Variants in PTPRD observed in about 807,000 individuals in gnomAD.
PTPRD encodes the protein receptor-type tyrosine-protein phosphatase delta.
Under a neutral mutation model 214.5 loss-of-function variants are expected in PTPRD, and 34 were observed. The ratio of observed to expected loss-of-function variants is 0.16; its 90% CI spans 0.12 to 0.21. The LOEUF (loss-of-function observed/expected upper bound fraction) is 0.21, where lower values mean the gene tolerates loss of function less well. PTPRD is among the 10% of genes least tolerant of loss of function. PTPRD has a pLI of 1.00. For synonymous variants in PTPRD, 1,128 were observed against 845.7 expected, an observed-to-expected ratio of 1.33 and a Z score of -5.79; for missense variants, 2,545 against 2,398.7, an observed-to-expected ratio of 1.06 and a Z score of -1.27.
chr9:10,281,267 A>G (rs1004495307), intron 3 of PTPRD, among the ~76,000 whole-genome samples: 1 of 152,102 alleles, frequency 6.6e-6, no homozygotes, highest in African/African-American at 2.4e-5. Context: ...GTTAGTTTAG[A>G]TGTTAACTCT....
At chr9:8,992,070 C>A (rs1435105960) in intron 11 of PTPRD, among the ~76,000 whole-genome samples, 2 of 152,018 alleles carry the variant, frequency 1.3e-5, no homozygotes, top group Non-Finnish European at 2.9e-5. Flanking sequence ...CCACATTTAC[C>A]TTCCTTTAAT....
At chr9:9,398,399 T>C (rs1354509953) in intron 8 of PTPRD, among the ~76,000 whole-genome samples, 3 of 152,068 alleles carry the variant, frequency 2.0e-5, no homozygotes, top group Admixed American at 6.6e-5. Context: ...GCTATGCCTC[T>C]GAAATAGGAG....
At chr9:8,977,622 A>C (rs1370658341) in intron 11 of PTPRD, among the ~76,000 whole-genome samples, 1 of 151,674 alleles carries the variant, frequency 6.6e-6, no homozygotes, top group Non-Finnish European at 1.5e-5. Flanking sequence ...CTCTATTTTA[A>C]TAATTCATAA....
At chr9:8,971,711 T>C (rs2099239540) in intron 11 of PTPRD, among the ~76,000 whole-genome samples, 1 of 151,324 alleles carries the variant, frequency 6.6e-6, no homozygotes, top group Admixed American at 6.6e-5. Flanking sequence ...ATAATATTAA[T>C]AATAATTAAA....
chr9:10,134,380 T>C (rs2098926543), intron 3 of PTPRD, among the ~76,000 whole-genome samples: 1 of 151,844 alleles, frequency 6.6e-6, no homozygotes, highest in Non-Finnish European at 1.5e-5. Context: ...TAATAAGGGG[T>C]TCATCTATCC....
intron 7 of PTPRD, among the ~76,000 whole-genome samples, chr9:9,627,985 G>C (rs892768035): frequency 3.3e-5 from 5 of 152,050 alleles, no homozygotes; most frequent in African/African-American, 1.2e-4. Context: ...ATTCAAGAAA[G>C]TTGGATACTC....
intron 8 of PTPRD, among the ~76,000 whole-genome samples, chr9:9,487,064 A>G (rs962380749): frequency 1.3e-5 from 2 of 152,012 alleles, no homozygotes; most frequent in African/African-American, 4.8e-5. Context: ...TTTCTTTTTT[A>G]TTATTATTAT....
intron 6 of PTPRD, among the ~76,000 whole-genome samples, chr9:9,745,097 CTTAA>C (rs1426826540): frequency 3.3e-5 from 5 of 151,942 alleles, no homozygotes; most frequent in Admixed American, 6.6e-5. Context: ...TGAAAAGTAA[CTTAA>C]TTATTAAAAA....
At chr9:9,954,410 T>C (rs1386592122) in intron 4 of PTPRD, among the ~76,000 whole-genome samples, 1 of 151,196 alleles carries the variant, frequency 6.6e-6, no homozygotes, top group Non-Finnish European at 1.5e-5. Context: ...CTATTAAGTA[T>C]ACTTATTCTA....
intron 9 of PTPRD, among the ~76,000 whole-genome samples, chr9:9,378,443 T>C (rs1164616725): frequency 6.6e-6 from 1 of 152,144 alleles, no homozygotes; most frequent in East Asian, 1.9e-4. Flanking sequence ...ACTTGATTGC[T>C]TCCAAATTTT....
chr9:9,950,868 G>A (rs1586939166), intron 4 of PTPRD, among the ~76,000 whole-genome samples: 2 of 151,222 alleles, frequency 1.3e-5, no homozygotes, highest in Admixed American at 6.6e-5. Context: ...TGGGAGTATG[G>A]TCTCAAATAA....
chr9:8,484,298 C>A lies in PTPRD; in HGVS notation c.3234G>T (p.Glu1078Asp), dbSNP rs7869444. 1.5e-3 allele frequency: 2,444 copies of A among 1,614,078 alleles called. 25 individuals carry two copies. The African/African-American group carries it at 0.027, about 18-fold the overall frequency. ...TTGTCAGCACAAATGAATATGATTT[C>A]TCAGGCTTCAGGTTGACAATTAACT... is the stretch of plus-strand genomic sequence containing the variant. The part of the protein sequence containing the change: ...TQKLIVNLKP[E>D]KSYSFVLTNR... Residue 1078 changes from glutamate to aspartate, a missense_variant, in exon 30 of 46, where the codon GAG becomes GAT. Physicochemically the swap from Glu to Asp is conservative, Grantham distance 45. Transcript: ENST00000381196.
chr9:10,131,331 GTAGAA>G (rs1564011605), intron 3 of PTPRD, among the ~76,000 whole-genome samples: 1 of 151,996 alleles, frequency 6.6e-6, no homozygotes, highest in African/African-American at 2.4e-5. Context: ...ATCCTTCTCC[GTAGAA>G]TGGGAACAAT....
chr9:10,221,528 T>G (rs1380306569), intron 3 of PTPRD, among the ~76,000 whole-genome samples: 1 of 151,992 alleles, frequency 6.6e-6, no homozygotes, highest in Non-Finnish European at 1.5e-5. Context: ...AATATAAAAT[T>G]TATTATTTAT....
At chr9:9,454,592 G>C (rs2092722092) in intron 8 of PTPRD, among the ~76,000 whole-genome samples, 1 of 151,470 alleles carries the variant, frequency 6.6e-6, no homozygotes. Context: ...AATTGCAAAA[G>C]GTTTTGAATA....
At chr9:8,716,250 G>A (rs2098435112) in intron 12 of PTPRD, among the ~76,000 whole-genome samples, 1 of 152,196 alleles carries the variant, frequency 6.6e-6, no homozygotes, top group Non-Finnish European at 1.5e-5. Flanking sequence ...GGCATTGTTA[G>A]AACCTACAAG....
At chr9:10,117,337 G>C (rs1253441928) in intron 3 of PTPRD, among the ~76,000 whole-genome samples, 1 of 152,090 alleles carries the variant, frequency 6.6e-6, no homozygotes, top group African/African-American at 2.4e-5. Context: ...CTTGTTAACT[G>C]AAAGTGTCTA....
At chr9:9,986,634 T>G (rs565914675) in intron 4 of PTPRD, among the ~76,000 whole-genome samples, 5 of 152,272 alleles carry the variant, frequency 3.3e-5, no homozygotes, top group East Asian at 3.9e-4. Flanking sequence ...AGGTTGAATA[T>G]AAGTTACTTT....
intron 3 of PTPRD, among the ~76,000 whole-genome samples, chr9:10,333,262 G>A (rs180706167): frequency 2.3e-4 from 35 of 151,878 alleles, no homozygotes; most frequent in Admixed American, 2.0e-3. Flanking sequence ...CTCCCTGAAA[G>A]GGGGGTTGAA....
Sources: allele counts gnomAD v4.1 joint callset (sites outside exome capture counted in the v4.1 genomes callset), GRCh38; gene constraint gnomAD v4.1.1; transcripts MANE v1.5; gene names NCBI Gene and HGNC (gene_info 2026-07-23, HGNC 2026-07-21).